Variants in MAP3K13 observed in about 807,000 individuals in gnomAD.
The protein encoded by MAP3K13 is mitogen-activated protein kinase kinase kinase 13, also known as leucine zipper-bearing kinase.
In MAP3K13, 52 loss-of-function variants were observed where a neutral mutation model predicts 104.0. That is an observed-to-expected ratio of 0.50 (90% CI 0.40 to 0.63). MAP3K13 has a LOEUF of 0.63. Among genes scored for constraint, MAP3K13 ranks in the 20% least tolerant of loss-of-function variants. The pLI is 0.00. For synonymous variants in MAP3K13, 394 were observed against 442.2 expected (o/e 0.89, Z 1.37); for missense variants, 914 against 1,218.5 (o/e 0.75, Z 3.72).
intron 3 of MAP3K13, among the ~76,000 whole-genome samples, chr3:185,441,063 G>A (rs1715293897): frequency 6.6e-6 from 1 of 152,074 alleles, no homozygotes; most frequent in African/African-American, 2.4e-5. Context: ...GAGTGGAGTG[G>A]GCATGGACTT....
chr3:185,362,813 A>G (rs189422030), upstream of MAP3K13, among the ~76,000 whole-genome samples: 2 of 152,332 alleles, frequency 1.3e-5, no homozygotes, highest in East Asian at 3.9e-4. Context: ...AGTTCTAATG[A>G]ATAAAAGATG....
chr3:185,385,296 A>C (rs28842501), intron 1 of MAP3K13, among the ~76,000 whole-genome samples: 9 of 152,030 alleles, frequency 5.9e-5, no homozygotes, highest in Middle Eastern at 3.4e-3. Flanking sequence ...GATTACAGGC[A>C]TGCACCACCA....
intron 10 of MAP3K13, among the ~76,000 whole-genome samples, chr3:185,471,310 T>C (rs112760941): frequency 0.011 from 543 of 51,340 alleles, 6 homozygotes; most frequent in Middle Eastern, 0.047. Context: ...CCTTTGCTTT[T>C]TTTTTTTTTT....
chr3:185,370,738 A>G (rs1000069296), intron 1 of MAP3K13, among the ~76,000 whole-genome samples: 97 of 50,340 alleles, frequency 1.9e-3, no homozygotes, highest in African/African-American at 7.0e-3. Flanking sequence ...TGTTCTCTGT[A>G]GTCAAAAAAA....
intron 7 of MAP3K13, among the ~76,000 whole-genome samples, chr3:185,455,772 TGATATATATATGAGATATATATATGA>T (rs1716658555): frequency 6.2e-5 from 3 of 48,618 alleles, no homozygotes; most frequent in Non-Finnish European, 1.4e-4. Context: ...GATATATATA[TGATATATATATGAGATATATATATGA>T]GATATATGAG....
Position 185,477,324 on chromosome 3 carries a change from A to G in MAP3K13, c.2431-2A>G. ...AAAACTCTTAATCCTTGTTCTCCTCAGAGTGGAGATGACTCCTCAGAAGAG... is the reference window on the plus strand; with the variant it reads ...AAAACTCTTAATCCTTGTTCTCCTCGGAGTGGAGATGACTCCTCAGAAGAG... On this transcript the variant is annotated splice_acceptor_variant, in intron 11 of 13. Transcript: ENST00000265026. LOFTEE classifies it high-confidence loss of function. The G allele has an allele frequency of 6.3e-7, 1 of 1,589,520 alleles. No homozygotes were observed. Among genetic ancestry groups the G allele is most frequent in the Non-Finnish European group, 8.6e-7 (1 of 1,157,614 alleles).
chr3:185,454,755 A>ATATAT (rs1472243903), intron 7 of MAP3K13, among the ~76,000 whole-genome samples: 7 of 68,106 alleles, frequency 1.0e-4, no homozygotes, highest in Middle Eastern at 0.024. Flanking sequence ...CATATATATG[A>ATATAT]GATATATATG....
chr3:185,428,479 C>T lies in MAP3K13; in HGVS notation c.-85-18C>T. On this transcript the variant is annotated intron_variant, in intron 1 of 13. Coordinates refer to ENST00000265026, the MANE Select transcript of MAP3K13 (RefSeq NM_004721.5). ...CTAAAGAAAGGATGATCTCTTATCT[C>T]CCTCCTGTTTTTCTCAGGTTTTGGA... 6.9e-7 allele frequency: 1 copy of T among 1,443,472 alleles called. No individual in the cohort carries two copies. The highest frequency in any genetic ancestry group is 9.2e-7 in the Non-Finnish European group (1 of 1,087,182). The allele number at this position is 1,443,472 out of a possible 1,614,324, so 89.4% of individuals were successfully genotyped here.
intron 2 of MAP3K13, chr3:185,291,941 A>G (rs774192510): frequency 2.7e-6 from 3 of 1,127,864 alleles, no homozygotes; most frequent in Admixed American, 4.7e-5. Context: ...TGTGGCCATA[A>G]GTTTTCATTG....
chr3:185,437,607 G>A lies in MAP3K13; in HGVS notation c.636G>A (p.Lys212=), dbSNP rs1715111513. 1.2e-6 allele frequency: 2 copies of A among 1,612,026 alleles called. No individual in the cohort carries two copies. Among genetic ancestry groups the A allele is most frequent in the Non-Finnish European group, 1.7e-6 (2 of 1,179,580 alleles). Residue 212 remains lysine (K), a synonymous_variant, in exon 3 of 14, where the codon AAG becomes AAA. Transcript: ENST00000265026. ...ATATCAAGCATTTGAGGAAGTTGAAGCACCCTAACATCATCGCATTCAAGT... is the reference window on the plus strand; with the variant it reads ...ATATCAAGCATTTGAGGAAGTTGAAACACCCTAACATCATCGCATTCAAGT... ...ETDIKHLRKL[K]HPNIIAFKGV...
intron 1 of MAP3K13, among the ~76,000 whole-genome samples, chr3:185,425,145 C>G (rs1473871176): frequency 1.3e-5 from 2 of 152,132 alleles, no homozygotes; most frequent in East Asian, 1.9e-4. Flanking sequence ...GATAAATGAG[C>G]CCCATCTTTA....
chr3:185,342,369 T>G (rs1722752599), intron 2 of MAP3K13, among the ~76,000 whole-genome samples: 1 of 152,246 alleles, frequency 6.6e-6, no homozygotes, highest in African/African-American at 2.4e-5. Context: ...CAAGCTGCTC[T>G]GTCTGTCTTA....
chr3:185,308,349 A>G (rs916705962), intron 2 of MAP3K13, among the ~76,000 whole-genome samples: 11 of 152,040 alleles, frequency 7.2e-5, no homozygotes, highest in Non-Finnish European at 1.5e-4. Flanking sequence ...TGTTCCTACA[A>G]GCTGCCTAGG....
intron 1 of MAP3K13, among the ~76,000 whole-genome samples, chr3:185,367,367 C>T (rs1723938471): frequency 6.6e-6 from 1 of 152,010 alleles, no homozygotes; most frequent in African/African-American, 2.4e-5. Flanking sequence ...TATTGACATG[C>T]AGGGTCTTAG....
At chr3:185,471,306 C>CTTTCT (rs1553811789) in intron 10 of MAP3K13, among the ~76,000 whole-genome samples, 28 of 83,394 alleles carry the variant, frequency 3.4e-4, no homozygotes, top group Non-Finnish European at 4.6e-4. Flanking sequence ...ATGACCTTTG[C>CTTTCT]TTTTTTTTTT....
chr3:185,455,434 GAT>G (rs534505026), intron 7 of MAP3K13, among the ~76,000 whole-genome samples: 4,848 of 88,826 alleles, frequency 0.055, 718 homozygotes, highest in Non-Finnish European at 0.07. Context: ...ATATATATGA[GAT>G]ATATATATGA....
chr3:185,418,742 C>T lies in MAP3K13; in HGVS notation c.-85-9755C>T. The T allele has an allele frequency of 5.6e-6, 9 of 1,609,454 alleles. No homozygotes were observed. Among genetic ancestry groups the T allele is most frequent in the Non-Finnish European group, 6.8e-6 (8 of 1,176,468 alleles). ...TTTTTGCCAGATGACTCCCCCTTTTCGGAGTACACCGATATCATTGGGCGA... is the reference window on the plus strand; with the variant it reads ...TTTTTGCCAGATGACTCCCCCTTTTTGGAGTACACCGATATCATTGGGCGA... On this transcript the variant is annotated intron_variant, in intron 1 of 13. Transcript: ENST00000265026. This position sits in a 1 kb window ranked among gnomAD's most constrained non-coding sequence, Gnocchi z 4.5.
In MAP3K13 at chr3:185,437,459, T is replaced by C; in HGVS notation, c.488T>C (p.Val163Ala). ...CTTGTGTGCCTAGATACTTGGGAAG[T>C]GCCATTTGAGGAGATCTCAGAGCTG... ...YKLQQQDTWE[V>A]PFEEISELQW... Residue 163 changes from valine to alanine, a missense_variant, in exon 3 of 14, where the codon GTG (valine) becomes GCG (alanine). By Grantham distance (64) the Val-to-Ala change is moderately conservative. This residue lies in a region of MAP3K13 where 175 missense variants were observed against 321.3 expected (regional missense o/e 0.54). Transcript: ENST00000265026. 1 of 1,613,206 alleles carries C rather than the reference T, an allele frequency of 6.2e-7. No homozygotes were observed.
At chr3:185,424,955 A>C (rs1448377972) in intron 1 of MAP3K13, among the ~76,000 whole-genome samples, 1 of 152,130 alleles carries the variant, frequency 6.6e-6, no homozygotes, top group Non-Finnish European at 1.5e-5. Flanking sequence ...CTTCCACCCA[A>C]GTAGCTGACA....
Sources: gnomAD v4.1 joint callset for allele counts (sites outside exome capture counted in the v4.1 genomes callset) on GRCh38, gnomAD v4.1.1 for gene constraint, gnomAD v4.1.1 regional missense constraint, Gnocchi (gnomAD v3.1) non-coding constraint, MANE v1.5 for transcripts, NCBI Gene and HGNC (gene_info 2026-07-23, HGNC 2026-07-21) for gene names.